TLCD4: variants seen among roughly 807,000 people sequenced by gnomAD.
The protein encoded by TLCD4 is TLC domain-containing protein 4.
TLCD4 carries 7 observed loss-of-function variants against 24.2 expected under a neutral mutation model. That is an observed-to-expected ratio of 0.29 (90% confidence interval 0.16 to 0.54). The LOEUF (loss-of-function observed/expected upper bound fraction) is 0.54, where lower values mean the gene tolerates loss of function less well. Among genes scored for constraint, TLCD4 ranks in the 20% least tolerant of loss-of-function variants. The pLI, the probability that TLCD4 is intolerant of heterozygous loss-of-function variation, is 0.95. For missense variants in TLCD4, 259 were observed against 313.9 expected, an observed-to-expected ratio of 0.82 and a Z score of 1.32; for synonymous variants, 103 against 106.4, an observed-to-expected ratio of 0.97 and a Z score of 0.20.
chr1:95,127,735 A>C (rs1676778044), intron 1 of TLCD4, among the ~76,000 whole-genome samples: 1 of 152,178 alleles, frequency 6.6e-6, no homozygotes, highest in Non-Finnish European at 1.5e-5. Context: ...CCTAGCATAG[A>C]CTTCTTCCAA....
intron 4 of TLCD4, among the ~76,000 whole-genome samples, chr1:95,150,957 A>C (rs572542020): frequency 6.6e-6 from 1 of 152,106 alleles, no homozygotes. Flanking sequence ...GCTTTCAACA[A>C]ATATTATATT....
intron 2 of TLCD4, among the ~76,000 whole-genome samples, chr1:95,145,048 A>G (rs538353247): frequency 1.3e-5 from 2 of 152,222 alleles, no homozygotes; most frequent in Non-Finnish European, 1.5e-5. Flanking sequence ...TTAATCTCAC[A>G]AGATTTCAAA....
chr1:95,098,125 G>C, the TLCD4 span, among the ~76,000 whole-genome samples: 1 of 151,946 alleles, frequency 6.6e-6, no homozygotes, highest in Non-Finnish European at 1.5e-5. Flanking sequence ...CTCTCATTTA[G>C]GCCTCATAAT....
intron 6 of TLCD4, among the ~76,000 whole-genome samples, chr1:95,183,638 G>A (rs1678724615): frequency 6.6e-6 from 1 of 152,018 alleles, no homozygotes; most frequent in Admixed American, 6.5e-5. Context: ...GGAGGAGATC[G>A]AGACCATTCT....
intron 1 of TLCD4, among the ~76,000 whole-genome samples, chr1:95,133,181 A>G (rs1352617601): frequency 1.3e-5 from 2 of 152,138 alleles, no homozygotes; most frequent in Non-Finnish European, 2.9e-5. Flanking sequence ...GAGCCTGTTT[A>G]AGAGCCAATA....
chr1:95,173,615 T>G (rs1042276436), intron 5 of TLCD4, among the ~76,000 whole-genome samples: 2 of 152,250 alleles, frequency 1.3e-5, no homozygotes, highest in Non-Finnish European at 2.9e-5. Flanking sequence ...TTACTGTTTT[T>G]TAAAAATACT....
rs1341942146 is a variant in TLCD4, at chr1:95,177,090, G to A, written c.473+3201G>A. 1.3e-5 allele frequency among the ~76,000 whole-genome samples: 2 copies of A among 152,030 alleles called. 1 individual carries two copies. Among genetic ancestry groups the A allele is most frequent in the Non-Finnish European group, 2.9e-5 (2 of 68,024 alleles). ...CTACCTTATTTTTTCACTAAAAGCT[G>A]CATCCTGTTTACACTTCTCTCTCTG... On this transcript the variant is annotated intron_variant, in intron 6 of 6. Coordinates refer to ENST00000370203, the MANE Select transcript of TLCD4 (RefSeq NM_152487.3).
chr1:95,151,067 TG>T (rs576031039), intron 4 of TLCD4, among the ~76,000 whole-genome samples: 355 of 152,246 alleles, frequency 2.3e-3, no homozygotes, highest in African/African-American at 8.1e-3. Flanking sequence ...TGCCAGGCCT[TG>T]TGCTAGATTC....
the TLCD4 span, among the ~76,000 whole-genome samples, chr1:95,109,799 A>AT: frequency 0.16 from 24,110 of 150,284 alleles, 2,067 homozygotes; most frequent in East Asian, 0.18. Flanking sequence ...AGTTTTGCAT[A>AT]TTTTTTGTTA....
Position 95,194,682 on chromosome 1 carries a change from A to G in TLCD4, c.*2814A>G, listed in dbSNP as rs1016867290. On this transcript the variant is annotated 3_prime_UTR_variant, in exon 7 of 7. Transcript: ENST00000370203. ...TTGAATGTGTAGTATCCTAGAAAAT[A>G]AAAGTTCTTGTGAAACTTAAAAAAT... is the stretch of plus-strand genomic sequence containing the variant. 2.0e-5 allele frequency: 3 copies of G among 152,150 alleles called. No individual in the cohort carries two copies. Among genetic ancestry groups the G allele is most frequent in the Non-Finnish European group, 4.4e-5 (3 of 67,998 alleles). The allele number at this position is 152,150 out of a possible 1,614,324, so 9.4% of individuals were successfully genotyped here. A position where few individuals can be genotyped will look rare whatever the true frequency, so the allele number is the denominator to read the frequency against.
chr1:95,128,460 G>C (rs1676801999), intron 1 of TLCD4, among the ~76,000 whole-genome samples: 1 of 152,054 alleles, frequency 6.6e-6, no homozygotes, highest in African/African-American at 2.4e-5. Context: ...TAAGAAAATA[G>C]GAATAAAAGT....
At chr1:95,107,924 G>A in the TLCD4 span, among the ~76,000 whole-genome samples, 14 of 152,268 alleles carry the variant, frequency 9.2e-5, 1 homozygote, top group Admixed American at 6.5e-4. Context: ...AGAGGCTGTC[G>A]TGAGAGATGA....
the TLCD4 span, among the ~76,000 whole-genome samples, chr1:95,098,449 C>T: frequency 2.6e-3 from 402 of 152,274 alleles, 1 homozygote; most frequent in Non-Finnish European, 4.2e-3. Context: ...TTTCCATAAA[C>T]GCATATTGAG....
chr1:95,102,970 C>CT, the TLCD4 span, among the ~76,000 whole-genome samples: 81 of 130,612 alleles, frequency 6.2e-4, 2 homozygotes, highest in South Asian at 0.017. Context: ...GGAAGAACTA[C>CT]TTTTTAAAAA....
At chr1:95,123,657 C>T (rs546359666) in intron 1 of TLCD4, among the ~76,000 whole-genome samples, 27 of 152,242 alleles carry the variant, frequency 1.8e-4, no homozygotes, top group Non-Finnish European at 3.1e-4. Context: ...GCCCTCCAGA[C>T]GTTTTCTCTA....
At position 95,197,517 on chromosome 1, in the gene TLCD4, A is replaced by C. The variant is rs1401645038; in HGVS notation, c.*5649A>C. ...CCCTCCCCTCCATGAAAACCTTGGG[A>C]TTTTCTTGTGCTAGAACACTACCAC... is the stretch of plus-strand genomic sequence containing the variant. On this transcript the variant is annotated 3_prime_UTR_variant, in exon 7 of 7. Transcript: ENST00000370203. The C allele has an allele frequency of 6.6e-6, 1 of 152,030 alleles. No homozygotes were observed. Among genetic ancestry groups the C allele is most frequent in the Non-Finnish European group, 1.5e-5 (1 of 68,006 alleles). The allele number at this position is 152,030 out of a possible 1,614,324, so 9.4% of individuals were successfully genotyped here. A position where few individuals can be genotyped will look rare whatever the true frequency, so the allele number is the denominator to read the frequency against.
intron 1 of TLCD4, among the ~76,000 whole-genome samples, chr1:95,118,471 T>G (rs1249665159): frequency 6.6e-6 from 1 of 152,168 alleles, no homozygotes; most frequent in Non-Finnish European, 1.5e-5. Flanking sequence ...ATTATGAAAT[T>G]TACTTTAAAG....
chr1:95,097,047 A>G, the TLCD4 span, among the ~76,000 whole-genome samples: 1 of 151,798 alleles, frequency 6.6e-6, no homozygotes. Context: ...AACTCCTTCC[A>G]CATCTCCAAG....
At chr1:95,093,733 G>T in the TLCD4 span, among the ~76,000 whole-genome samples, 1 of 152,140 alleles carries the variant, frequency 6.6e-6, no homozygotes, top group Admixed American at 6.5e-5. Context: ...GTCCAACCAG[G>T]ATTCTCTTCT....
Sources: allele counts gnomAD v4.1 joint callset (sites outside exome capture counted in the v4.1 genomes callset), GRCh38; gene constraint gnomAD v4.1.1; transcripts MANE v1.5; gene names NCBI Gene and HGNC (gene_info 2026-07-23, HGNC 2026-07-21).